MDGA2: variants seen among roughly 807,000 people sequenced by gnomAD.
The protein encoded by MDGA2 is MAM domain containing glycosylphosphatidylinositol anchor 2.
In MDGA2, 40 loss-of-function variants were observed where a neutral mutation model predicts 117.8. The ratio of observed to expected loss-of-function variants is 0.34; its 90% CI spans 0.26 to 0.44. The LOEUF is 0.44. Ranked by LOEUF, MDGA2 falls within the 20% of genes least tolerant of loss-of-function variation. The pLI, the probability that MDGA2 is intolerant of heterozygous loss-of-function variation, is 1.00. For missense variants in MDGA2, 1,123 were observed against 1,250.6 expected (o/e 0.90, Z 1.54); for synonymous variants, 452 against 439.0 (o/e 1.03, Z -0.37).
intron 2 of MDGA2, among the ~76,000 whole-genome samples, chr14:47,295,931 A>AAGAT (rs34675658): frequency 0.077 from 10,169 of 132,460 alleles, 361 homozygotes; most frequent in African/African-American, 0.094. Context: ...GATAGATGAT[A>AAGAT]AGATAGATAG....
chr14:47,320,325 T>A (rs749674077), intron 1 of MDGA2, among the ~76,000 whole-genome samples: 1 of 152,044 alleles, frequency 6.6e-6, no homozygotes, highest in Non-Finnish European at 1.5e-5. Context: ...AAGGCTGCAG[T>A]GAGCTACGAT....
chr14:47,230,466 T>C (rs1886650884), intron 2 of MDGA2, among the ~76,000 whole-genome samples: 1 of 151,948 alleles, frequency 6.6e-6, no homozygotes, highest in South Asian at 2.1e-4. Flanking sequence ...CAAGTTAAAT[T>C]AAAATGGCTT....
intron 15 of MDGA2, among the ~76,000 whole-genome samples, chr14:46,849,753 A>T (rs1431487702): frequency 6.6e-6 from 1 of 151,896 alleles, no homozygotes; most frequent in African/African-American, 2.4e-5. Flanking sequence ...TCTAGTTTAA[A>T]GAGTTAAATT....
At chr14:47,202,620 A>T (rs1447729202) in intron 3 of MDGA2, among the ~76,000 whole-genome samples, 1 of 152,192 alleles carries the variant, frequency 6.6e-6, no homozygotes, top group African/African-American at 2.4e-5. Context: ...GGCCCTGACT[A>T]ATTTTATCCT....
At chr14:46,949,087 C>A (rs1024276363) in intron 9 of MDGA2, among the ~76,000 whole-genome samples, 29 of 152,060 alleles carry the variant, frequency 1.9e-4, no homozygotes, top group Non-Finnish European at 1.5e-4. Context: ...TTTGATAATC[C>A]TAAAATTATG....
intron 3 of MDGA2, among the ~76,000 whole-genome samples, chr14:47,212,038 A>G (rs1226629100): frequency 6.6e-6 from 1 of 152,180 alleles, no homozygotes; most frequent in East Asian, 1.9e-4. Context: ...TAGACACTCA[A>G]TGAATGACGT....
chr14:47,266,938 AAT>A (rs1375551499), intron 2 of MDGA2, among the ~76,000 whole-genome samples: 1 of 152,106 alleles, frequency 6.6e-6, no homozygotes, highest in African/African-American at 2.4e-5. Context: ...ACTAATTCAT[AAT>A]TTTCCTGTTC....
chr14:46,961,558 C>T (rs548856495), intron 8 of MDGA2, among the ~76,000 whole-genome samples: 1 of 152,168 alleles, frequency 6.6e-6, no homozygotes, highest in South Asian at 2.1e-4. Context: ...CTGCACACCA[C>T]TTTTTTGTAT....
chr14:46,858,825 T>A (rs1346870719), intron 14 of MDGA2, among the ~76,000 whole-genome samples: 1 of 152,196 alleles, frequency 6.6e-6, no homozygotes, highest in Non-Finnish European at 1.5e-5. Context: ...TGGCTATGAA[T>A]CATATATTCT....
chr14:47,299,868 CA>C (rs1239534960), intron 2 of MDGA2, among the ~76,000 whole-genome samples: 1 of 152,080 alleles, frequency 6.6e-6, no homozygotes, highest in African/African-American at 2.4e-5. Context: ...CAGTTAATAG[CA>C]AATGTTATAC....
intron 1 of MDGA2, among the ~76,000 whole-genome samples, chr14:47,443,336 G>C (rs1430082395): frequency 6.6e-6 from 1 of 152,068 alleles, no homozygotes; most frequent in African/African-American, 2.4e-5. Flanking sequence ...GTTCCAATTG[G>C]TGGCAATTGT....
chr14:47,459,110 T>C (rs1007654201), intron 1 of MDGA2, among the ~76,000 whole-genome samples: 30 of 152,022 alleles, frequency 2.0e-4, no homozygotes, highest in African/African-American at 6.5e-4. Flanking sequence ...GAACATTTTA[T>C]GCTGGAAATA....
intron 3 of MDGA2, among the ~76,000 whole-genome samples, chr14:47,181,142 A>G (rs1367496241): frequency 6.6e-6 from 1 of 152,138 alleles, no homozygotes; most frequent in Non-Finnish European, 1.5e-5. Context: ...TTACATAGGT[A>G]TACATGAGCC....
chr14:47,404,113 C>A (rs757422201), intron 1 of MDGA2, among the ~76,000 whole-genome samples: 3 of 151,894 alleles, frequency 2.0e-5, no homozygotes, highest in Non-Finnish European at 4.4e-5. Context: ...CCTGTTAAAT[C>A]TTTATTTTGT....
chr14:46,990,955 T>C (rs562942191), intron 8 of MDGA2, among the ~76,000 whole-genome samples: 76 of 152,050 alleles, frequency 5.0e-4, no homozygotes, highest in African/African-American at 1.6e-3. Context: ...TGATTGTTTC[T>C]TTAAAGGATT....
At chr14:47,468,325 T>A (rs537871062) in intron 1 of MDGA2, among the ~76,000 whole-genome samples, 1 of 152,258 alleles carries the variant, frequency 6.6e-6, no homozygotes, top group South Asian at 2.1e-4. Context: ...AAACTGAATA[T>A]AATTATGGCA....
chr14:47,200,738 T>G, intron 3 of MDGA2: 1 of 883,452 alleles, frequency 1.1e-6, no homozygotes, highest in Non-Finnish European at 1.8e-6. Context: ...TGTCACTGCC[T>G]GCTACTTCCA....
chr14:46,913,850 T>A (rs1566522134), intron 10 of MDGA2, among the ~76,000 whole-genome samples: 3 of 147,470 alleles, frequency 2.0e-5, no homozygotes, highest in Middle Eastern at 7.0e-3. Flanking sequence ...TACTTCGTTT[T>A]TAAATTCCTG....
At chr14:47,636,306 G>A (rs188234222) in intron 1 of MDGA2, among the ~76,000 whole-genome samples, 2 of 152,224 alleles carry the variant, frequency 1.3e-5, no homozygotes, top group East Asian at 3.9e-4. Context: ...CAGTATAACT[G>A]GAAATAAACT....
Sources: allele counts gnomAD v4.1 joint callset (sites outside exome capture counted in the v4.1 genomes callset), GRCh38; gene constraint gnomAD v4.1.1; transcripts MANE v1.5; gene names NCBI Gene and HGNC (gene_info 2026-07-23, HGNC 2026-07-21).